DYNC2I2: variants seen among roughly 807,000 people sequenced by gnomAD.
DYNC2I2 encodes dynein 2 intermediate chain 2.
A neutral mutation model predicts 52.0 loss-of-function variants in DYNC2I2; 39 were observed. That is an observed-to-expected ratio of 0.75 (90% CI 0.58 to 0.98). The LOEUF is 0.98. Among genes scored for constraint, DYNC2I2 ranks in the 50% least tolerant of loss-of-function variants. The pLI, the probability that DYNC2I2 is intolerant of heterozygous loss-of-function variation, is 0.00. For missense variants in DYNC2I2, 743 were observed against 728.4 expected (o/e 1.02, Z -0.23); for synonymous variants, 359 against 321.1 (o/e 1.12, Z -1.26).
At position 128,635,673 on chromosome 9, in the gene DYNC2I2, T is replaced by C. The variant is rs1345750105; in HGVS notation, c.798A>G (p.Thr266=). 4 of 1,608,668 alleles carry C rather than the reference T, an allele frequency of 2.5e-6. No homozygotes were observed. Among genetic ancestry groups the C allele is most frequent in the African/African-American group, 2.7e-5 (2 of 74,898 alleles). Residue 266 remains threonine (T), a synonymous_variant, in exon 5 of 9, where the codon ACA becomes ACG. Transcript: ENST00000372715. ...WRTGLTDDTH[T]DPVSQVVWLP... ...CTGCCCTGACCTGGGACACAGGGTC[T>C]GTGTGGGTGTCATCCGTCAGGCCTG...
At chr9:128,652,660 C>A (rs1407307182) in intron 1 of DYNC2I2, among the ~76,000 whole-genome samples, 1 of 150,292 alleles carries the variant, frequency 6.7e-6, no homozygotes, top group Non-Finnish European at 1.5e-5. Flanking sequence ...TGGCTCACTC[C>A]TGTAATCCCA....
At chr9:128,676,730 G>T in the DYNC2I2 span, among the ~76,000 whole-genome samples, 1 of 151,682 alleles carries the variant, frequency 6.6e-6, no homozygotes, top group Non-Finnish European at 1.5e-5. Context: ...ACACGGTTTT[G>T]CCATGTTGGC....
At position 128,640,879 on chromosome 9, in the gene DYNC2I2, C is replaced by T. The variant is rs753592308; in HGVS notation, c.247G>A (p.Val83Met). The change falls in exon 2 of 9, where the codon GTG becomes ATG. Residue 83 changes from valine to methionine, a missense_variant. Physicochemically the swap from Val to Met is conservative, Grantham distance 21. Transcript: ENST00000372715. The part of the protein sequence containing the change: ...ASASAQARNH[V>M]DAQVQTEAPV... Reference sequence around the variant, plus strand: ...GCCTCCGTCTGCACCTGGGCGTCCACATGATTCCTGGCCTGGGCGGATGCA... The same window carrying T: ...GCCTCCGTCTGCACCTGGGCGTCCATATGATTCCTGGCCTGGGCGGATGCA... 3.7e-6 allele frequency: 6 copies of T among 1,613,344 alleles called. No homozygotes were observed. The South Asian group carries it at 6.6e-5, about 18-fold the overall frequency.
chr9:128,677,744 G>T, the DYNC2I2 span, among the ~76,000 whole-genome samples: 2 of 152,082 alleles, frequency 1.3e-5, no homozygotes, highest in South Asian at 2.1e-4. Context: ...GAGGCAGAAG[G>T]TTGCAGTGAG....
intron 7 of DYNC2I2, 126 bp downstream of exon 7, chr9:128,634,563 G>A: frequency 7.7e-7 from 1 of 1,294,146 alleles, no homozygotes; most frequent in Non-Finnish European, 1.0e-6. Flanking sequence ...CCAAAGACCT[G>A]AACACGGGTC....
At chr9:128,677,230 AAG>A in the DYNC2I2 span, among the ~76,000 whole-genome samples, 1 of 151,662 alleles carries the variant, frequency 6.6e-6, no homozygotes, top group Non-Finnish European at 1.5e-5. Context: ...AAAAAAAAAA[AAG>A]AAAGAAAAAA....
Position 128,637,031 on chromosome 9 carries a change from C to T in DYNC2I2, c.436-4G>A, listed in dbSNP as rs751873888. On this transcript the variant is annotated splice_polypyrimidine_tract_variant and splice_region_variant and intron_variant, in intron 2 of 8. Transcript: ENST00000372715. Reference sequence around the variant, plus strand: ...CCAGGGTATACAGACAAGACACCTGCGGAGACGTCCCCAACCCTGAGTCCA... The same window carrying T: ...CCAGGGTATACAGACAAGACACCTGTGGAGACGTCCCCAACCCTGAGTCCA... 7.5e-6 allele frequency: 12 copies of T among 1,610,700 alleles called. No homozygotes were observed. Among genetic ancestry groups the T allele is most frequent in the Admixed American group, 6.7e-5 (4 of 59,872 alleles).
chr9:128,646,611 TTG>T (rs1860622338), intron 1 of DYNC2I2, among the ~76,000 whole-genome samples: 1 of 152,100 alleles, frequency 6.6e-6, no homozygotes, highest in Non-Finnish European at 1.5e-5. Context: ...GCTGACTCTC[TTG>T]TTAGGGGCTA....
the DYNC2I2 span, among the ~76,000 whole-genome samples, chr9:128,676,747 G>A: frequency 6.6e-6 from 1 of 151,884 alleles, no homozygotes. Context: ...TGGCCAGGCT[G>A]GTCTCAAACT....
intron 2 of DYNC2I2, among the ~76,000 whole-genome samples, chr9:128,640,304 C>G (rs1418342098): frequency 6.6e-6 from 1 of 152,208 alleles, no homozygotes; most frequent in Admixed American, 6.5e-5. Context: ...GCCACCACAC[C>G]TGGCCAAGGA....
At chr9:128,672,360 A>C in the DYNC2I2 span, among the ~76,000 whole-genome samples, 8 of 151,846 alleles carry the variant, frequency 5.3e-5, no homozygotes, top group Non-Finnish European at 8.8e-5. Context: ...GGCCTGGCTA[A>C]TTTTTATAGT....
At chr9:128,676,846 T>TTTTTG in the DYNC2I2 span, among the ~76,000 whole-genome samples, 1 of 150,030 alleles carries the variant, frequency 6.7e-6, no homozygotes, top group South Asian at 2.1e-4. Flanking sequence ...GCTGTTTTTT[T>TTTTTG]TTTTGTTTTG....
chr9:128,633,798 T>C lies in DYNC2I2; in HGVS notation c.1557A>G (p.Gln519=), dbSNP rs781274054. The C allele has an allele frequency of 1.9e-6, 3 of 1,613,622 alleles. No individual in the cohort carries two copies. Among genetic ancestry groups the C allele is most frequent in the Non-Finnish European group, 2.5e-6 (3 of 1,180,040 alleles). The change falls in exon 9 of 9, where the codon CAA becomes CAG. Residue 519 remains glutamine (Q), a synonymous_variant. Coordinates refer to ENST00000372715, the MANE Select transcript of DYNC2I2 (RefSeq NM_052844.4). ...CCAGGTCCTCAGCTTCCCGGGGCCC[T>C]TGTTCCGTGAACTCTGTGCTCAGCT... ...VWQLSTEFTE[Q]GPREAEDLDC...
At chr9:128,646,610 C>T (rs1375215985) in intron 1 of DYNC2I2, among the ~76,000 whole-genome samples, 5 of 152,324 alleles carry the variant, frequency 3.3e-5, no homozygotes, top group Middle Eastern at 3.4e-3. Context: ...GGCTGACTCT[C>T]TTGTTAGGGG....
chr9:128,644,646 C>T (rs1029538234), intron 1 of DYNC2I2, among the ~76,000 whole-genome samples: 14 of 152,132 alleles, frequency 9.2e-5, no homozygotes, highest in Non-Finnish European at 1.2e-4. Flanking sequence ...GGTGCCCTCC[C>T]GAACACGTGC....
At chr9:128,641,248 G>C (rs908105304) in intron 1 of DYNC2I2, among the ~76,000 whole-genome samples, 1 of 152,150 alleles carries the variant, frequency 6.6e-6, no homozygotes, top group African/African-American at 2.4e-5. Context: ...ATTCGGAGGA[G>C]TCAGAGGGCT....
In DYNC2I2 at chr9:128,634,776, C is replaced by G; in HGVS notation, c.1127G>C (p.Ser376Thr). 6.2e-7 allele frequency: 1 copy of G among 1,609,886 alleles called. No individual in the cohort carries two copies. Among genetic ancestry groups the G allele is most frequent in the Non-Finnish European group, 8.5e-7 (1 of 1,178,454 alleles). Residue 376 changes from serine (S) to threonine (T), a missense_variant, in exon 7 of 9, where the codon AGC becomes ACC. Physicochemically the swap from Ser to Thr is moderately conservative, Grantham distance 58. Coordinates refer to ENST00000372715, the MANE Select transcript of DYNC2I2 (RefSeq NM_052844.4). ...TGCTGGGGCCCGCAGGGGCACGGAG[C>G]TGGGCATCCGCGTGAGGGCTGCCTC... ...AGEAALTRMP[S>T]SVPLRAPAQF...
intron 4 of DYNC2I2, chr9:128,636,078 C>T: frequency 1.1e-6 from 1 of 883,234 alleles, no homozygotes; most frequent in Admixed American, 2.0e-5. Context: ...CTGGCCCCGA[C>T]CCTGGCCCCC....
At chr9:128,637,290 G>A (rs896447047) in intron 2 of DYNC2I2, among the ~76,000 whole-genome samples, 2 of 152,240 alleles carry the variant, frequency 1.3e-5, no homozygotes, top group African/African-American at 2.4e-5. Context: ...ACACTCCACA[G>A]TTTCCAAGCC....
Sources: allele counts gnomAD v4.1 joint callset (sites outside exome capture counted in the v4.1 genomes callset), GRCh38; gene constraint gnomAD v4.1.1; transcripts MANE v1.5; gene names NCBI Gene and HGNC (gene_info 2026-07-23, HGNC 2026-07-21).